Variants in ZFHX3 observed in about 807,000 individuals in gnomAD.
ZFHX3 encodes the protein zinc finger homeobox 3.
Under a neutral mutation model 279.1 loss-of-function variants are expected in ZFHX3, and 42 were observed. The ratio of observed to expected loss-of-function variants is 0.15; its 90% confidence interval spans 0.12 to 0.19. The LOEUF (loss-of-function observed/expected upper bound fraction) is 0.19. Among genes scored for constraint, ZFHX3 ranks in the 10% least tolerant of loss-of-function variants. The pLI, the probability that ZFHX3 is intolerant of heterozygous loss-of-function variation, is 1.00. For missense variants in ZFHX3, 4,981 were observed against 4,754.0 expected, an observed-to-expected ratio of 1.05 and a Z score of -1.40; for synonymous variants, 2,293 against 1,957.8, an observed-to-expected ratio of 1.17 and a Z score of -4.52.
chr16:73,274,307 G>C (rs1182793435), intron 4 of ZFHX3, among the ~76,000 whole-genome samples: 2 of 152,106 alleles, frequency 1.3e-5, no homozygotes, highest in Admixed American at 6.6e-5. Context: ...TGACATCTAT[G>C]TTTTGCATTG....
intron 3 of ZFHX3, among the ~76,000 whole-genome samples, chr16:73,326,197 T>C (rs1204748349): frequency 2.0e-5 from 3 of 152,176 alleles, no homozygotes; most frequent in African/African-American, 4.8e-5. Context: ...TTGTATTTCC[T>C]AACACAGATA....
intron 5 of ZFHX3, among the ~76,000 whole-genome samples, chr16:73,149,898 G>T (rs1370214073): frequency 1.3e-5 from 2 of 152,162 alleles, no homozygotes; most frequent in African/African-American, 4.8e-5. Context: ...TAGTCAGACC[G>T]CTTTGGAGGC....
chr16:73,314,554 C>T (rs2015400552), intron 4 of ZFHX3, among the ~76,000 whole-genome samples: 1 of 152,172 alleles, frequency 6.6e-6, no homozygotes, highest in South Asian at 2.1e-4. Flanking sequence ...TCCTACATGG[C>T]ATTCTCTGGA....
At chr16:73,013,824 G>A (rs1328703142) in intron 1 of ZFHX3, among the ~76,000 whole-genome samples, 1 of 152,080 alleles carries the variant, frequency 6.6e-6, no homozygotes, top group African/African-American at 2.4e-5. Context: ...AGAGGCACGT[G>A]GGGGTCTCTT....
chr16:72,888,133 C>G (rs1353326361), intron 4 of ZFHX3, among the ~76,000 whole-genome samples: 1 of 152,082 alleles, frequency 6.6e-6, no homozygotes, highest in African/African-American at 2.4e-5. Context: ...AAGCTGATCC[C>G]CTGGAAAAGG....
chr16:72,839,202 C>T (rs779905900), intron 4 of ZFHX3, among the ~76,000 whole-genome samples: 2 of 152,058 alleles, frequency 1.3e-5, no homozygotes, highest in Non-Finnish European at 1.5e-5. Flanking sequence ...CCTTCCCCCC[C>T]CCATTTTCCA....
At chr16:72,858,004 C>CG (rs1555524522) in intron 4 of ZFHX3, among the ~76,000 whole-genome samples, 1 of 152,194 alleles carries the variant, frequency 6.6e-6, no homozygotes, top group Non-Finnish European at 1.5e-5. Flanking sequence ...GCCTGAAAGG[C>CG]GGGGCAGCCA....
At chr16:72,973,698 G>C (rs1962208657) in intron 1 of ZFHX3, 1 of 152,174 alleles carries the variant, frequency 6.6e-6, no homozygotes, top group Non-Finnish European at 1.5e-5. Context: ...GGCCAACATG[G>C]AGAAACCCAC....
intron 4 of ZFHX3, among the ~76,000 whole-genome samples, chr16:73,262,511 A>G (rs1003099059): frequency 5.3e-5 from 8 of 152,172 alleles, no homozygotes; most frequent in African/African-American, 1.9e-4. Context: ...CTAGAGCTAG[A>G]AGGGTTCTCA....
chr16:73,137,627 G>C (rs887232628), intron 6 of ZFHX3: 2 of 151,868 alleles, frequency 1.3e-5, no homozygotes, highest in Non-Finnish European at 1.5e-5. Flanking sequence ...AGTGACCTCC[G>C]GGTATATTAG....
chr16:73,458,870 A>T lies in ZFHX3; in HGVS notation c.-1546-2612T>A, dbSNP rs116105071. 2.5e-3 allele frequency among the ~76,000 whole-genome samples: 376 copies of T among 152,346 alleles called. 2 individuals are homozygous for T. Among genetic ancestry groups the T allele is most frequent in the African/African-American group, 8.7e-3 (360 of 41,584 alleles). On this transcript the variant is annotated intron_variant, in intron 2 of 17. Transcript: ENST00000641206. ...CATATCTGTAAGTCTTCATATTAGT[A>T]ACAACTGAAACCTCCGTACGATGAC...
chr16:73,235,094 G>T (rs1332104638), intron 5 of ZFHX3, among the ~76,000 whole-genome samples: 1 of 152,080 alleles, frequency 6.6e-6, no homozygotes, highest in African/African-American at 2.4e-5. Flanking sequence ...TTTTGAGACG[G>T]AGTCTCACTC....
chr16:73,790,804 C>A (rs1012434208), intron 1 of ZFHX3, among the ~76,000 whole-genome samples: 1 of 152,222 alleles, frequency 6.6e-6, no homozygotes, highest in Admixed American at 6.5e-5. Flanking sequence ...GCAGAAATTA[C>A]AAAGTTCCCT....
At chr16:73,035,942 T>C (rs1964885315) in intron 1 of ZFHX3, among the ~76,000 whole-genome samples, 3 of 152,214 alleles carry the variant, frequency 2.0e-5, no homozygotes, top group Admixed American at 2.0e-4. Context: ...TGTGGTTTAA[T>C]ACCAGGACTA....
intron 1 of ZFHX3, among the ~76,000 whole-genome samples, chr16:72,984,391 C>T (rs1303016698): frequency 6.6e-6 from 1 of 152,134 alleles, no homozygotes; most frequent in Non-Finnish European, 1.5e-5. Context: ...CTCTGGGAGG[C>T]TGAGGTGGGA....
intron 4 of ZFHX3, among the ~76,000 whole-genome samples, chr16:73,272,967 G>A (rs1304244672): frequency 6.6e-6 from 1 of 151,968 alleles, no homozygotes; most frequent in Admixed American, 6.6e-5. Flanking sequence ...GGCTGGTCTT[G>A]AACTACTGGG....
intron 2 of ZFHX3, among the ~76,000 whole-genome samples, chr16:73,597,062 T>C (rs371540640): frequency 3.9e-5 from 6 of 152,178 alleles, no homozygotes; most frequent in East Asian, 1.9e-4. Flanking sequence ...ATATGTACTG[T>C]TCTCCAGTCA....
chr16:73,488,700 G>T (rs1346629380), intron 2 of ZFHX3, among the ~76,000 whole-genome samples: 1 of 152,170 alleles, frequency 6.6e-6, no homozygotes, highest in East Asian at 1.9e-4. Flanking sequence ...AGGACAAGAT[G>T]TACAAAATCC....
chr16:73,222,408 C>T (rs2012452856), intron 5 of ZFHX3, among the ~76,000 whole-genome samples: 1 of 152,048 alleles, frequency 6.6e-6, no homozygotes, highest in African/African-American at 2.4e-5. Flanking sequence ...AACTCAATCA[C>T]TCTCCTATAT....
Sources: gnomAD v4.1 joint callset for allele counts (sites outside exome capture counted in the v4.1 genomes callset) on GRCh38, gnomAD v4.1.1 for gene constraint, MANE v1.5 for transcripts, NCBI Gene and HGNC (gene_info 2026-07-23, HGNC 2026-07-21) for gene names.